ROCK2: variants seen among roughly 807,000 people sequenced by gnomAD.
ROCK2 encodes rho-associated protein kinase 2.
In ROCK2, 61 loss-of-function variants were observed where a neutral mutation model predicts 195.1. The ratio of observed to expected loss-of-function variants is 0.31; its 90% CI spans 0.25 to 0.39. The LOEUF is 0.39. ROCK2 is among the 10% of genes least tolerant of loss of function. The pLI is 1.00. For missense variants in ROCK2, 1,109 were observed against 1,637.4 expected, an observed-to-expected ratio of 0.68 and a Z score of 5.57; for synonymous variants, 504 against 545.5, an observed-to-expected ratio of 0.92 and a Z score of 1.06.
At chr2:11,317,606 A>ATTTTT (rs1215755085) in intron 1 of ROCK2, among the ~76,000 whole-genome samples, 9 of 16,148 alleles carry the variant, frequency 5.6e-4, no homozygotes, top group East Asian at 0.013. Flanking sequence ...ATATATATAT[A>ATTTTT]TATATATTTT....
At chr2:11,212,353 T>C (rs751192775) in intron 17 of ROCK2, among the ~76,000 whole-genome samples, 5 of 152,182 alleles carry the variant, frequency 3.3e-5, no homozygotes, top group Admixed American at 1.3e-4. Flanking sequence ...ACCACCACTC[T>C]GCTGTTCTGA....
chr2:11,312,194 A>G (rs1668057262), intron 1 of ROCK2, among the ~76,000 whole-genome samples: 1 of 152,208 alleles, frequency 6.6e-6, no homozygotes. Flanking sequence ...TAACAAATTC[A>G]TATTTTAAAA....
chr2:11,279,933 T>C (rs1429873014), intron 3 of ROCK2, among the ~76,000 whole-genome samples: 4 of 152,120 alleles, frequency 2.6e-5, no homozygotes, highest in Non-Finnish European at 4.4e-5. Context: ...AAATAACTCT[T>C]GGGTCAAAGA....
chr2:11,315,602 C>T (rs1034298252), intron 1 of ROCK2, among the ~76,000 whole-genome samples: 1 of 151,914 alleles, frequency 6.6e-6, no homozygotes, highest in African/African-American at 2.4e-5. Flanking sequence ...AAAACATATC[C>T]ATAATTTTTT....
intron 1 of ROCK2, among the ~76,000 whole-genome samples, chr2:11,295,785 C>T (rs552688552): frequency 1.3e-4 from 20 of 151,932 alleles, no homozygotes; most frequent in African/African-American, 4.6e-4. Context: ...GGTGAAACCC[C>T]GTCTCTACTA....
At chr2:11,331,674 C>T (rs1053542032) in intron 1 of ROCK2, among the ~76,000 whole-genome samples, 1 of 152,026 alleles carries the variant, frequency 6.6e-6, no homozygotes, top group Non-Finnish European at 1.5e-5. Context: ...CGCCTGTAAT[C>T]CCAGCACTTT....
At chr2:11,274,081 A>C (rs1162079844) in intron 3 of ROCK2, among the ~76,000 whole-genome samples, 1 of 152,142 alleles carries the variant, frequency 6.6e-6, no homozygotes, top group Non-Finnish European at 1.5e-5. Context: ...ACAACACAAC[A>C]AAAAACTTAA....
chr2:11,280,506 C>CTGTAG (rs1666963789), intron 3 of ROCK2, among the ~76,000 whole-genome samples: 1 of 151,800 alleles, frequency 6.6e-6, no homozygotes, highest in Non-Finnish European at 1.5e-5. Context: ...TGGTGCACAC[C>CTGTAG]TGTAGTCTCA....
chr2:11,237,281 T>C (rs1359827194), intron 4 of ROCK2, among the ~76,000 whole-genome samples: 1 of 152,194 alleles, frequency 6.6e-6, no homozygotes, highest in Non-Finnish European at 1.5e-5. Context: ...ATATGACTGA[T>C]GATAGACAAA....
At chr2:11,340,921 G>T (rs1669084327) in intron 1 of ROCK2, among the ~76,000 whole-genome samples, 1 of 152,076 alleles carries the variant, frequency 6.6e-6, no homozygotes, top group Non-Finnish European at 1.5e-5. Flanking sequence ...CACTCAAAAA[G>T]CACAGACCTT....
intron 9 of ROCK2, among the ~76,000 whole-genome samples, chr2:11,220,642 T>C (rs1407920984): frequency 6.6e-6 from 1 of 152,142 alleles, no homozygotes; most frequent in Non-Finnish European, 1.5e-5. Flanking sequence ...TCAATGCGAG[T>C]GCTCTGCTCC....
chr2:11,318,505 G>A (rs776253659), intron 1 of ROCK2, among the ~76,000 whole-genome samples: 1 of 152,016 alleles, frequency 6.6e-6, no homozygotes, highest in Admixed American at 6.5e-5. Flanking sequence ...CTGGATATTA[G>A]CCCTTTGTCA....
chr2:11,255,116 C>T (rs1665978754), intron 3 of ROCK2, among the ~76,000 whole-genome samples: 2 of 148,800 alleles, frequency 1.3e-5, no homozygotes, highest in South Asian at 4.2e-4. Flanking sequence ...ACTTGGGAGG[C>T]TGAGGCAGGA....
intron 7 of ROCK2, 97 bp from the exon 8 acceptor site, chr2:11,222,271 A>C: frequency 1.5e-6 from 1 of 670,532 alleles, no homozygotes; most frequent in African/African-American, 1.8e-5. Flanking sequence ...ATCTCAAGTA[A>C]ATTTGAGATA....
intron 3 of ROCK2, among the ~76,000 whole-genome samples, chr2:11,271,419 C>G (rs977906361): frequency 2.0e-5 from 3 of 152,210 alleles, no homozygotes; most frequent in African/African-American, 7.2e-5. Flanking sequence ...GGTTTTCCTA[C>G]CTCAGCACTG....
chr2:11,309,732 C>G (rs1667974806), intron 1 of ROCK2, among the ~76,000 whole-genome samples: 1 of 152,112 alleles, frequency 6.6e-6, no homozygotes, highest in South Asian at 2.1e-4. Context: ...GTAATCCCAG[C>G]ACTTTGGGAA....
At chr2:11,237,752 A>G (rs1438302035) in intron 4 of ROCK2, among the ~76,000 whole-genome samples, 1 of 152,212 alleles carries the variant, frequency 6.6e-6, no homozygotes, top group African/African-American at 2.4e-5. Flanking sequence ...GACCATTTTC[A>G]AAAAAATTAT....
At chr2:11,234,974 A>G (rs1665151249) in intron 5 of ROCK2, among the ~76,000 whole-genome samples, 1 of 152,158 alleles carries the variant, frequency 6.6e-6, no homozygotes, top group Admixed American at 6.5e-5. Flanking sequence ...AAAACATACA[A>G]AAGATGAAAT....
chr2:11,307,319 G>A (rs1186083749), intron 1 of ROCK2, among the ~76,000 whole-genome samples: 2 of 152,048 alleles, frequency 1.3e-5, no homozygotes, highest in Non-Finnish European at 2.9e-5. Flanking sequence ...TTATCTTTTT[G>A]TTTATTTGTT....
Sources: gnomAD v4.1 joint callset for allele counts (sites outside exome capture counted in the v4.1 genomes callset) on GRCh38, gnomAD v4.1.1 for gene constraint, MANE v1.5 for transcripts, NCBI Gene and HGNC (gene_info 2026-07-23, HGNC 2026-07-21) for gene names.